ARL17B: variants seen among roughly 807,000 people sequenced by gnomAD.
The protein encoded by ARL17B is ARF like GTPase 17B.
At chr17:46,312,658 A>C (rs2050861040) in intron 3 of ARL17B, among the ~76,000 whole-genome samples, 1 of 80,774 alleles carries the variant, frequency 1.2e-5, no homozygotes, top group Non-Finnish European at 2.5e-5. Flanking sequence ...AAGATATAGA[A>C]TGAAGGGGTA....
At chr17:46,286,263 TTAA>T (rs917428360) in intron 4 of ARL17B, among the ~76,000 whole-genome samples, 1 of 152,252 alleles carries the variant, frequency 6.6e-6, no homozygotes. Context: ...ATTTTTGATG[TTAA>T]GAACAAGCAG....
downstream of ARL17B, chr17:46,332,748 C>A (rs529336682): frequency 2.3e-3 from 1,080 of 466,604 alleles, 18 homozygotes; most frequent in African/African-American, 0.021. Context: ...GCCACTTTCC[C>A]ACCTGCTGCT....
rs1370753355 is a variant in ARL17B, at chr17:46,324,944, C to G, written c.260-25279G>C. On this transcript the variant is annotated intron_variant, in intron 3 of 4. Transcript: ENST00000434041. Reference sequence around the variant, plus strand: ...CAATTTACTGCAACTTCAATTGTGCCACCAGCCCCCACAATATGGCAAGCT... The same window carrying G: ...CAATTTACTGCAACTTCAATTGTGCGACCAGCCCCCACAATATGGCAAGCT... Among the ~76,000 whole-genome samples the G allele has an allele frequency of 2.6e-5, 2 of 77,720 alleles. 1 individual carries two copies. Among genetic ancestry groups the G allele is most frequent in the Non-Finnish European group, 7.6e-5 (2 of 26,172 alleles). The allele number at this position is 77,720 out of a possible 152,430, so 51.0% of individuals were successfully genotyped here.
chr17:46,332,849 G>A (rs569382017), downstream of ARL17B, among the ~76,000 whole-genome samples: 23 of 149,746 alleles, frequency 1.5e-4, 1 homozygote, highest in South Asian at 4.2e-4. Context: ...AAGGATCCTC[G>A]CTTTCAGATC....
At chr17:46,280,589 T>TTTTTC (rs1555611513) in intron 4 of ARL17B, among the ~76,000 whole-genome samples, 2 of 149,560 alleles carry the variant, frequency 1.3e-5, no homozygotes, top group South Asian at 2.1e-4. Context: ...TTTTTTTTTT[T>TTTTTC]CCTGAGCAGA....
At chr17:46,298,792 T>A, downstream of ARL17B, among the ~76,000 whole-genome samples, 1 of 66,804 alleles carries the variant, frequency 1.5e-5, no homozygotes, top group African/African-American at 4.7e-5. Context: ...GAGGTATATA[T>A]AATTAAGTAC....
chr17:46,291,318 T>C (rs1169846320), intron 4 of ARL17B, among the ~76,000 whole-genome samples: 1 of 152,202 alleles, frequency 6.6e-6, no homozygotes, highest in Non-Finnish European at 1.5e-5. Context: ...TGAAAAGACA[T>C]AGTCATGCTT....
At chr17:46,280,693 C>T (rs2049739519) in intron 4 of ARL17B, among the ~76,000 whole-genome samples, 1 of 151,630 alleles carries the variant, frequency 6.6e-6, no homozygotes, top group South Asian at 2.1e-4. Flanking sequence ...CATGCCTCAG[C>T]CTCCTGTGTG....
chr17:46,327,221 C>T (rs866273394), intron 3 of ARL17B, among the ~76,000 whole-genome samples: 1 of 76,146 alleles, frequency 1.3e-5, no homozygotes, highest in East Asian at 2.5e-4. Context: ...GCCTCGTAAC[C>T]GCAGATGGCC....
chr17:46,276,795 T>C (rs76858970), intron 4 of ARL17B, among the ~76,000 whole-genome samples: 7 of 118,370 alleles, frequency 5.9e-5, no homozygotes, highest in Middle Eastern at 4.9e-3. Flanking sequence ...TTTTTCTTTT[T>C]TTTTTTTTTT....
intron 4 of ARL17B, among the ~76,000 whole-genome samples, chr17:46,290,888 C>G (rs545626006): frequency 2.7e-3 from 404 of 151,240 alleles, no homozygotes; most frequent in Admixed American, 4.8e-3. Context: ...TAAGGTCCAT[C>G]TGTACCTGAA....
chr17:46,311,312 C>G (rs1314235329), intron 3 of ARL17B: 5 of 331,304 alleles, frequency 1.5e-5, no homozygotes, highest in Non-Finnish European at 2.6e-5. Flanking sequence ...TTACTTTCTC[C>G]CCAAGTACAT....
At chr17:46,334,421 TTTTCC>T (rs1379821699), downstream of ARL17B, among the ~76,000 whole-genome samples, 3 of 2,166 alleles carry the variant, frequency 1.4e-3, no homozygotes, top group African/African-American at 3.3e-3. Context: ...CCCTTTTCCT[TTTTCC>T]TTTCCTTTCC....
chr17:46,350,406 T>A (rs2052696585), intron 3 of ARL17B, among the ~76,000 whole-genome samples: 1 of 79,518 alleles, frequency 1.3e-5, no homozygotes, highest in Admixed American at 1.3e-4. Context: ...ATAGGAAGAA[T>A]ACTTATGAAG....
intron 3 of ARL17B, among the ~76,000 whole-genome samples, chr17:46,351,022 G>T (rs1349222898): frequency 2.1e-3 from 28 of 13,626 alleles, no homozygotes; most frequent in Non-Finnish European, 3.8e-3. Context: ...TTTTTTTTTT[G>T]AGATGGAGTC....
chr17:46,288,170 C>CTTTTT (rs2049968985), intron 4 of ARL17B, among the ~76,000 whole-genome samples: 1 of 151,942 alleles, frequency 6.6e-6, no homozygotes, highest in Non-Finnish European at 1.5e-5. Flanking sequence ...TTTCTTTTGT[C>CTTTTT]TCGCTGTATA....
chr17:46,281,382 T>G (rs2049758199), intron 4 of ARL17B, among the ~76,000 whole-genome samples: 1 of 152,062 alleles, frequency 6.6e-6, no homozygotes, highest in Non-Finnish European at 1.5e-5. Context: ...CAGAAAATTT[T>G]TCTTTTATTC....
At chr17:46,292,328 T>C (rs2050095739) in intron 4 of ARL17B, among the ~76,000 whole-genome samples, 1 of 67,502 alleles carries the variant, frequency 1.5e-5, no homozygotes, top group Admixed American at 1.6e-4. Flanking sequence ...CAAGACACTC[T>C]CTCGAGGAAA....
intron 4 of ARL17B, among the ~76,000 whole-genome samples, chr17:46,284,881 T>C (rs1245467793): frequency 6.6e-6 from 1 of 152,188 alleles, no homozygotes; most frequent in Non-Finnish European, 1.5e-5. Context: ...TTTCCCCCCA[T>C]TGTTTTGAGA....
Sources: allele counts gnomAD v4.1 joint callset (sites outside exome capture counted in the v4.1 genomes callset), GRCh38; gene constraint gnomAD v4.1.1; transcripts MANE v1.5; gene names NCBI Gene and HGNC (gene_info 2026-07-23, HGNC 2026-07-21).